Variants in NTRK2 observed in about 807,000 individuals in gnomAD.
The protein encoded by NTRK2 is BDNF/NT-3 growth factors receptor.
In NTRK2, 13 loss-of-function variants were observed where a neutral mutation model predicts 94.5. The observed-to-expected ratio is 0.14, with a 90% CI of 0.09 to 0.22. The LOEUF (loss-of-function observed/expected upper bound fraction) is 0.22. Among genes scored for constraint, NTRK2 ranks in the 10% least tolerant of loss-of-function variants. The probability of loss-of-function intolerance (pLI) is 1.00; values close to 1 mark genes in which losing one functional copy is unlikely to be tolerated. For missense variants in NTRK2, 639 were observed against 1,071.2 expected (o/e 0.60, Z 5.63); for synonymous variants, 372 against 407.4 (o/e 0.91, Z 1.05).
chr9:84,672,026 G>T (rs932815578), intron 2 of NTRK2, among the ~76,000 whole-genome samples: 1 of 152,160 alleles, frequency 6.6e-6, no homozygotes, highest in Non-Finnish European at 1.5e-5. Flanking sequence ...TTTCCTTATT[G>T]TGTTTGATAC....
rs1450336989 is a variant in NTRK2 at position 85,026,707 on chromosome 9, C to T, written c.*5270C>T. The T allele has an allele frequency of 3.9e-5, 9 of 232,820 alleles. No homozygotes were observed. The South Asian group carries it at 5.4e-4, about 14-fold the overall frequency. The allele number at this position is 232,820 out of a possible 1,614,324, so 14.4% of individuals were successfully genotyped here. ...GAGAGATGTTTGTATATATCCAGGCCGTATACACACACATTTCCATATCTC... is the reference window on the plus strand; with the variant it reads ...GAGAGATGTTTGTATATATCCAGGCTGTATACACACACATTTCCATATCTC... On this transcript the variant is annotated 3_prime_UTR_variant, in exon 19 of 19. Transcript: ENST00000277120.
chr9:84,861,007 G>A (rs765808032), intron 12 of NTRK2, 33 bp from the exon 13 acceptor site: 22 of 1,604,754 alleles, frequency 1.4e-5, no homozygotes, highest in Admixed American at 1.0e-4. Flanking sequence ...CTTCTCTTTC[G>A]AAGTTTATTT....
intron 5 of NTRK2, among the ~76,000 whole-genome samples, chr9:84,708,401 C>T (rs1275581873): frequency 2.0e-5 from 3 of 152,160 alleles, no homozygotes; most frequent in African/African-American, 7.2e-5. Context: ...CCCCACCCAT[C>T]TTTGTGAGAT....
intron 12 of NTRK2, among the ~76,000 whole-genome samples, chr9:84,823,773 A>G (rs534679295): frequency 6.6e-6 from 1 of 152,314 alleles, no homozygotes; most frequent in East Asian, 1.9e-4. Context: ...CACATTTTTT[A>G]AGGTCTCTAT....
intron 6 of NTRK2, among the ~76,000 whole-genome samples, chr9:84,714,240 G>A (rs745907879): frequency 6.6e-6 from 1 of 151,964 alleles, no homozygotes; most frequent in Admixed American, 6.6e-5. Flanking sequence ...TGACTGAAAT[G>A]CCCTTCTCCA....
chr9:84,944,213 T>TCACACACACACACACACA (rs1238064532), intron 15 of NTRK2, among the ~76,000 whole-genome samples: 1 of 136,824 alleles, frequency 7.3e-6, no homozygotes, highest in Non-Finnish European at 1.5e-5. Flanking sequence ...TCTCTCTCTC[T>TCACACACACACACACACA]CTCACACACA....
chr9:84,863,642 A>G (rs1223388712), intron 13 of NTRK2, among the ~76,000 whole-genome samples: 1 of 152,140 alleles, frequency 6.6e-6, no homozygotes, highest in Non-Finnish European at 1.5e-5. Flanking sequence ...TGCCTTCTCA[A>G]CTTTGCTGTG....
intron 2 of NTRK2, among the ~76,000 whole-genome samples, chr9:84,680,449 A>G (rs1278701231): frequency 6.6e-6 from 1 of 152,224 alleles, no homozygotes; most frequent in East Asian, 1.9e-4. Context: ...CATTAGAGTA[A>G]GCTGCAACTT....
chr9:84,898,681 A>T lies in NTRK2; in HGVS notation c.1633+31250A>T, dbSNP rs576299908. Among the ~76,000 whole-genome samples, 22 of 144,706 alleles carry T rather than the reference A, an allele frequency of 1.5e-4. No individual in the cohort carries two copies. The South Asian group carries it at 3.3e-3, about 22-fold the overall frequency. The allele number at this position is 144,706 out of a possible 152,430, so 94.9% of individuals were successfully genotyped here. A position where few individuals can be genotyped will look rare whatever the true frequency, so the allele number is the denominator to read the frequency against. On this transcript the variant is annotated intron_variant, in intron 14 of 18. Transcript: ENST00000277120. ...CTTGGGAAGACCCTTCTGAGCCCCC[A>T]TTTTTTTTTTTCTAAGACAGAGTCT... is the stretch of plus-strand genomic sequence containing the variant.
At chr9:84,904,781 A>G (rs1375879640) in intron 14 of NTRK2, among the ~76,000 whole-genome samples, 1 of 152,194 alleles carries the variant, frequency 6.6e-6, no homozygotes, top group Non-Finnish European at 1.5e-5. Flanking sequence ...TGTTTTACTC[A>G]AAGTCCAATC....
At chr9:84,702,474 C>T (rs2060793507) in intron 4 of NTRK2, 55 bp downstream of exon 4, 1 of 1,430,380 alleles carries the variant, frequency 7.0e-7, no homozygotes, top group African/African-American at 1.4e-5. Flanking sequence ...CAATATTTCC[C>T]CCCTCTGTTT....
intron 17 of NTRK2, among the ~76,000 whole-genome samples, chr9:84,980,075 A>G (rs942199183): frequency 1.3e-5 from 2 of 152,202 alleles, no homozygotes; most frequent in Non-Finnish European, 2.9e-5. Context: ...GTGGTATGGA[A>G]CGGACCCTGC....
In NTRK2 at chr9:84,862,491, C is replaced by T. The variant is rs77535238; in HGVS notation, c.1444+1404C>T. On this transcript the variant is annotated intron_variant, in intron 13 of 18. Coordinates refer to ENST00000277120, the MANE Select transcript of NTRK2 (RefSeq NM_006180.6). ...TGCACTGCAGAAGGGTGCTTGTTCC[C>T]GGAAAGCTGCAAAAATGTGGTTTTA... Among the ~76,000 whole-genome samples the T allele has an allele frequency of 4.7e-3, 717 of 152,284 alleles. 13 individuals are homozygous for T. Among genetic ancestry groups the T allele is most frequent in the Admixed American group, 0.038 (575 of 15,304 alleles).
Position 84,786,386 on chromosome 9 carries a change from G to C in NTRK2, c.1396+34301G>C, listed in dbSNP as rs193134242. ...ACCTACCTGGCCTCACCTGTGTGTA[G>C]GGGGTGAGTGGCAATACCAGGATCC... On this transcript the variant is annotated intron_variant, in intron 12 of 18. Coordinates refer to ENST00000277120, the MANE Select transcript of NTRK2 (RefSeq NM_006180.6). 5.5e-3 allele frequency among the ~76,000 whole-genome samples: 838 copies of C among 152,268 alleles called. 4 individuals carry two copies. The highest frequency in any genetic ancestry group is 9.0e-3 in the Non-Finnish European group (612 of 68,028).
At chr9:84,893,484 T>A (rs1026699470) in intron 14 of NTRK2, among the ~76,000 whole-genome samples, 5 of 152,162 alleles carry the variant, frequency 3.3e-5, no homozygotes, top group Non-Finnish European at 7.4e-5. Context: ...CATGCTCTTA[T>A]TTCAGTGTCC....
intron 2 of NTRK2, among the ~76,000 whole-genome samples, chr9:84,673,287 T>C (rs1196690556): frequency 2.0e-5 from 3 of 152,252 alleles, no homozygotes; most frequent in Non-Finnish European, 2.9e-5. Flanking sequence ...CGCATCCTTA[T>C]ATGACACCAT....
intron 12 of NTRK2, among the ~76,000 whole-genome samples, chr9:84,783,971 G>A (rs1049578674): frequency 1.3e-5 from 2 of 152,142 alleles, no homozygotes; most frequent in Non-Finnish European, 2.9e-5. Context: ...GGGGTGTGAT[G>A]GGAGGTGGGA....
chr9:84,750,082 G>T (rs747245327), intron 11 of NTRK2, among the ~76,000 whole-genome samples: 28 of 152,256 alleles, frequency 1.8e-4, no homozygotes, highest in Non-Finnish European at 3.8e-4. Flanking sequence ...AGCAGGTGGA[G>T]CAGGGTTCCT....
intron 12 of NTRK2, among the ~76,000 whole-genome samples, chr9:84,766,561 C>G (rs7867174): frequency 0.67 from 101,474 of 151,744 alleles, 34,081 homozygotes; most frequent in East Asian, 0.72. Flanking sequence ...ATATCTCATG[C>G]GGGGAGAGTT....
Sources: gnomAD v4.1 joint callset for allele counts (sites outside exome capture counted in the v4.1 genomes callset) on GRCh38, gnomAD v4.1.1 for gene constraint, MANE v1.5 for transcripts, NCBI Gene and HGNC (gene_info 2026-07-23, HGNC 2026-07-21) for gene names.